PIK3C3: variants seen among roughly 807,000 people sequenced by gnomAD.
PIK3C3 encodes the protein phosphatidylinositol 3-kinase catalytic subunit type 3.
Under a neutral mutation model 126.1 loss-of-function variants are expected in PIK3C3, and 95 were observed. That is an observed-to-expected ratio of 0.75 (90% CI 0.64 to 0.89). The LOEUF (loss-of-function observed/expected upper bound fraction) is 0.89, where lower values mean the gene tolerates loss of function less well. Ranked by LOEUF, PIK3C3 falls within the 40% of genes least tolerant of loss-of-function variation. The pLI is 0.00. For missense variants in PIK3C3, 829 were observed against 1,063.2 expected (o/e 0.78, Z 3.06); for synonymous variants, 374 against 360.0 (o/e 1.04, Z -0.44).
At chr18:42,077,984 T>C (rs1986091698) in intron 24 of PIK3C3, among the ~76,000 whole-genome samples, 2 of 152,216 alleles carry the variant, frequency 1.3e-5, no homozygotes, top group Non-Finnish European at 2.9e-5. Flanking sequence ...AATCTTTTGG[T>C]ATATTCCATC....
Position 42,010,622 on chromosome 18 carries a change from TC to T in PIK3C3, c.1171-2817del, listed in dbSNP as rs529726336. ...TTCGGGTGATCCACCCACCTCGGCC[TC>T]CCAAAGTGCTGGGATTACAGGCACT... On this transcript the variant is annotated intron_variant, in intron 10 of 24. Transcript: ENST00000262039. Among the ~76,000 whole-genome samples, 10 of 152,292 alleles carry T rather than the reference TC, an allele frequency of 6.6e-5. No homozygotes were observed. In the East Asian group the frequency reaches 1.9e-3, roughly 29 times the overall value.
chr18:41,993,898 T>C (rs1981900940), intron 7 of PIK3C3, among the ~76,000 whole-genome samples: 1 of 152,128 alleles, frequency 6.6e-6, no homozygotes, highest in African/African-American at 2.4e-5. Context: ...TAAGAATTCA[T>C]ACAATGCAAA....
chr18:41,972,068 G>A (rs941374606), intron 4 of PIK3C3, among the ~76,000 whole-genome samples: 3 of 152,012 alleles, frequency 2.0e-5, no homozygotes, highest in African/African-American at 7.2e-5. Flanking sequence ...ATTGGAATTA[G>A]TCCCAGTTGG....
At chr18:42,079,987 GTA>G (rs558581841) in intron 24 of PIK3C3, among the ~76,000 whole-genome samples, 8,620 of 128,452 alleles carry the variant, frequency 0.067, 335 homozygotes, top group Non-Finnish European at 0.095. Context: ...GTGTGTGTAT[GTA>G]AGAGAGAGAG....
intron 13 of PIK3C3, among the ~76,000 whole-genome samples, chr18:42,023,794 T>C (rs1983432988): frequency 6.6e-6 from 1 of 152,252 alleles, no homozygotes; most frequent in Admixed American, 6.5e-5. Flanking sequence ...CCTACTCTAT[T>C]ATAACAAATG....
chr18:42,076,197 C>T (rs28442055), intron 24 of PIK3C3, among the ~76,000 whole-genome samples: 34,559 of 118,364 alleles, frequency 0.29, 6,061 homozygotes, highest in South Asian at 0.4. Context: ...TATATGCACA[C>T]ATATATATAT....
chr18:42,079,614 G>A (rs1986164142), intron 24 of PIK3C3, among the ~76,000 whole-genome samples: 1 of 152,058 alleles, frequency 6.6e-6, no homozygotes, highest in African/African-American at 2.4e-5. Flanking sequence ...TCTGTGAGGT[G>A]CAGTAAAGCT....
Position 42,006,121 on chromosome 18 carries a change from A to G in PIK3C3, c.1170+1580A>G, listed in dbSNP as rs140537718. Among the ~76,000 whole-genome samples the G allele has an allele frequency of 3.3e-3, 500 of 151,264 alleles. 7 individuals carry two copies. Among genetic ancestry groups the G allele is most frequent in the African/African-American group, 0.012 (482 of 41,518 alleles). ...AGAAGAACAGCTAGATGAAATGATAATTTGCCAGAATGACTCACAAAACTC... is the reference window on the plus strand; with the variant it reads ...AGAAGAACAGCTAGATGAAATGATAGTTTGCCAGAATGACTCACAAAACTC... On this transcript the variant is annotated intron_variant, in intron 10 of 24. Coordinates refer to ENST00000262039, the MANE Select transcript of PIK3C3 (RefSeq NM_002647.4).
intron 20 of PIK3C3, among the ~76,000 whole-genome samples, chr18:42,044,589 T>C (rs1488351702): frequency 6.6e-6 from 1 of 152,048 alleles, no homozygotes; most frequent in Non-Finnish European, 1.5e-5. Context: ...ATGATTTTTT[T>C]GTATTTTTTG....
intron 21 of PIK3C3, among the ~76,000 whole-genome samples, chr18:42,054,140 A>ATCTATATATATATC (rs1555640048): frequency 7.8e-4 from 13 of 16,616 alleles, no homozygotes; most frequent in East Asian, 3.8e-3. Flanking sequence ...ATATATATAT[A>ATCTATATATATATC]TATATATATA....
intron 18 of PIK3C3, among the ~76,000 whole-genome samples, chr18:42,039,322 A>G (rs760194775): frequency 7.2e-5 from 11 of 152,220 alleles, no homozygotes; most frequent in Non-Finnish European, 1.3e-4. Flanking sequence ...GGCTACTCCC[A>G]AATCTTTTTG....
chr18:42,002,285 T>C (rs1317461847), intron 9 of PIK3C3, among the ~76,000 whole-genome samples: 1 of 152,154 alleles, frequency 6.6e-6, no homozygotes, highest in Non-Finnish European at 1.5e-5. Flanking sequence ...GGCTGAAGCA[T>C]GGAAGGGCAA....
intron 10 of PIK3C3, among the ~76,000 whole-genome samples, chr18:42,011,727 TTTTCCTGTGCCTTCTTCAC>T (rs374393880): frequency 8.9e-4 from 135 of 152,352 alleles, no homozygotes; most frequent in African/African-American, 3.2e-3. Context: ...CTATCTTGGC[TTTTCCTGTGCCTTCTTCAC>T]TAAGCTTAAT....
intron 13 of PIK3C3, among the ~76,000 whole-genome samples, chr18:42,022,648 G>C (rs1476357338): frequency 1.3e-5 from 2 of 151,194 alleles, no homozygotes; most frequent in Admixed American, 1.3e-4. Context: ...TTTTGGTTGT[G>C]TTTGTTTTTT....
At chr18:41,956,231 A>G (rs1486046134) in intron 1 of PIK3C3, among the ~76,000 whole-genome samples, 1 of 152,194 alleles carries the variant, frequency 6.6e-6, no homozygotes, top group East Asian at 1.9e-4. Flanking sequence ...AAATTTTCTC[A>G]GTTGTCTGAT....
chr18:42,031,037 A>G (rs1010514442), intron 15 of PIK3C3, among the ~76,000 whole-genome samples: 1 of 152,206 alleles, frequency 6.6e-6, no homozygotes, highest in Non-Finnish European at 1.5e-5. Flanking sequence ...AAAAATCTTT[A>G]TAGGCATTTT....
At chr18:42,062,243 T>A (rs988739634) in intron 22 of PIK3C3, among the ~76,000 whole-genome samples, 6 of 151,760 alleles carry the variant, frequency 4.0e-5, no homozygotes, top group African/African-American at 1.5e-4. Flanking sequence ...AGCATCTTTT[T>A]TTTTTTTTTT....
chr18:42,029,314 G>T lies in PIK3C3; in HGVS notation c.1591-11G>T. 6.3e-7 allele frequency: 1 copy of T among 1,580,752 alleles called. No individual in the cohort carries two copies. The highest frequency in any genetic ancestry group is 1.1e-5 in the South Asian group (1 of 90,304). Reference sequence around the variant, plus strand: ...CATAGAACTAATTTTTTCTCACTTTGAACCCTTCAGGGTGATAAGTCTGTC... The same window carrying T: ...CATAGAACTAATTTTTTCTCACTTTTAACCCTTCAGGGTGATAAGTCTGTC... On this transcript the variant is annotated splice_polypyrimidine_tract_variant and intron_variant, in intron 14 of 24. Transcript: ENST00000262039.
At chr18:41,975,202 T>C (rs1568117224) in intron 4 of PIK3C3, among the ~76,000 whole-genome samples, 1 of 152,160 alleles carries the variant, frequency 6.6e-6, no homozygotes, top group Non-Finnish European at 1.5e-5. Flanking sequence ...AGGAGCTGGA[T>C]TTTTTAAGTT....
Sources: gnomAD v4.1 joint callset for allele counts (sites outside exome capture counted in the v4.1 genomes callset) on GRCh38, gnomAD v4.1.1 for gene constraint, MANE v1.5 for transcripts, NCBI Gene and HGNC (gene_info 2026-07-23, HGNC 2026-07-21) for gene names.